Variants in APPBP2 observed in about 807,000 individuals in gnomAD.
APPBP2 encodes amyloid beta precursor protein binding protein 2.
Under a neutral mutation model 76.0 loss-of-function variants are expected in APPBP2, and 15 were observed. That is an observed-to-expected ratio of 0.20 (90% confidence interval 0.13 to 0.30). The LOEUF (loss-of-function observed/expected upper bound fraction) is 0.30. Ranked by LOEUF, APPBP2 falls within the 10% of genes least tolerant of loss-of-function variation. APPBP2 has a pLI of 1.00. For missense variants in APPBP2, 401 were observed against 687.2 expected, an observed-to-expected ratio of 0.58 and a Z score of 4.66; for synonymous variants, 222 against 242.2, an observed-to-expected ratio of 0.92 and a Z score of 0.77.
At chr17:60,458,769 G>A (rs1328651937) in intron 9 of APPBP2, among the ~76,000 whole-genome samples, 1 of 147,898 alleles carries the variant, frequency 6.8e-6, no homozygotes, top group East Asian at 1.9e-4. Context: ...AAGAAGTTCT[G>A]GTTTTTTTTT....
At chr17:60,458,071 G>T (rs900572428) in intron 9 of APPBP2, among the ~76,000 whole-genome samples, 6 of 152,090 alleles carry the variant, frequency 3.9e-5, no homozygotes, top group African/African-American at 1.4e-4. Context: ...TTTGTGACTG[G>T]CTTCTTTCAC....
At chr17:60,511,383 G>A (rs529853140) in intron 1 of APPBP2, among the ~76,000 whole-genome samples, 4 of 152,114 alleles carry the variant, frequency 2.6e-5, no homozygotes, top group South Asian at 2.1e-4. Flanking sequence ...TCAGGAGATC[G>A]AGACCATCCT....
intron 1 of APPBP2, 50 bp downstream of exon 1, chr17:60,525,744 G>A (rs1389566928): frequency 6.2e-7 from 1 of 1,609,610 alleles, no homozygotes. Flanking sequence ...AAGGGGGTGC[G>A]GCCCCCGGGG....
At chr17:60,518,968 C>T (rs1419080059) in intron 1 of APPBP2, among the ~76,000 whole-genome samples, 1 of 151,936 alleles carries the variant, frequency 6.6e-6, no homozygotes, top group Admixed American at 6.6e-5. Flanking sequence ...TACCTTTTTC[C>T]CCCCCTTTGA....
chr17:60,445,784 C>T lies in APPBP2; in HGVS notation c.*1797G>A, dbSNP rs1449519691. The T allele has an allele frequency of 6.6e-6, 1 of 152,086 alleles. No homozygotes were observed. Among genetic ancestry groups the T allele is most frequent in the Non-Finnish European group, 1.5e-5 (1 of 68,026 alleles). The allele number at this position is 152,086 out of a possible 1,614,324, so 9.4% of individuals were successfully genotyped here. ...TCCAAAATTTAAAAAGAAAATAATT[C>T]GATTTGAGGAGTAAACTCAGGTTTC... On this transcript the variant is annotated 3_prime_UTR_variant, in exon 13 of 13. Coordinates refer to ENST00000083182, the MANE Select transcript of APPBP2 (RefSeq NM_006380.5).
rs560015384 is a variant in APPBP2 at position 60,469,938 on chromosome 17, T to C, written c.504-3479A>G. Among the ~76,000 whole-genome samples the C allele has an allele frequency of 1.9e-3, 297 of 152,326 alleles. 1 individual carries two copies. Among genetic ancestry groups the C allele is most frequent in the Non-Finnish European group, 3.5e-3 (238 of 68,036 alleles). ...TACAGTAATTCTATGTTTAGCTTTT[T>C]GACAAACTGCCAAACTGTACTCCAC... On this transcript the variant is annotated intron_variant, in intron 4 of 12. Coordinates refer to ENST00000083182, the MANE Select transcript of APPBP2 (RefSeq NM_006380.5).
chr17:60,495,336 G>A (rs58281396), intron 2 of APPBP2, among the ~76,000 whole-genome samples: 28 of 151,710 alleles, frequency 1.8e-4, no homozygotes, highest in African/African-American at 6.0e-4. Flanking sequence ...CAATAAACAC[G>A]AAATAAGAGG....
intron 3 of APPBP2, among the ~76,000 whole-genome samples, chr17:60,493,027 A>G (rs1054590488): frequency 6.6e-6 from 1 of 152,148 alleles, no homozygotes; most frequent in African/African-American, 2.4e-5. Context: ...GTTCCCCAAC[A>G]CTGTTTTCAT....
chr17:60,501,588 G>A (rs574318263), intron 1 of APPBP2, among the ~76,000 whole-genome samples: 3 of 152,036 alleles, frequency 2.0e-5, no homozygotes, highest in Admixed American at 6.6e-5. Flanking sequence ...AGTAGAGACG[G>A]GGTTTCACCA....
At chr17:60,482,816 T>G (rs2090640902) in intron 3 of APPBP2, among the ~76,000 whole-genome samples, 1 of 152,236 alleles carries the variant, frequency 6.6e-6, no homozygotes, top group Non-Finnish European at 1.5e-5. Flanking sequence ...CCACATTTTC[T>G]TAATCCAGTC....
chr17:60,465,830 T>G (rs2090506977), intron 5 of APPBP2, among the ~76,000 whole-genome samples: 2 of 152,164 alleles, frequency 1.3e-5, no homozygotes, highest in African/African-American at 4.8e-5. Flanking sequence ...CAAACACTCC[T>G]TTTGCCTGAT....
In APPBP2 at chr17:60,500,485, A is replaced by C. The variant is rs930564556; in HGVS notation, c.141T>G (p.Leu47=). Reference sequence around the variant, plus strand: ...GTTGACATAAGCGTCCCTGTTGGTAAAGCTGAAATAAAAAACAAATGATTT... The same window carrying C: ...GTTGACATAAGCGTCCCTGTTGGTACAGCTGAAATAAAAAACAAATGATTT... ...ENIQFDVYYK[L]YQQGRLCQLG... The change falls in exon 2 of 13, where the codon CTT becomes CTG. Residue 47 remains leucine (L), a splice_region_variant and synonymous_variant. Transcript: ENST00000083182. 6.3e-7 allele frequency: 1 copy of C among 1,590,148 alleles called. No individual in the cohort carries two copies.
At chr17:60,521,699 G>A (rs903353353) in intron 1 of APPBP2, among the ~76,000 whole-genome samples, 2 of 152,132 alleles carry the variant, frequency 1.3e-5, no homozygotes, top group African/African-American at 4.8e-5. Flanking sequence ...TTACAGGCAT[G>A]AGCCACTGCA....
rs1170935393 is a variant in APPBP2, at chr17:60,505,676, GTTTTTTTTTTT to G, written c.139-5200_139-5190del. Among the ~76,000 whole-genome samples the G allele has an allele frequency of 1.3e-3, 115 of 85,712 alleles. 1 individual carries two copies. Among genetic ancestry groups the G allele is most frequent in the African/African-American group, 7.8e-3 (101 of 13,000 alleles). 56.2% of individuals were successfully genotyped at this position (85,712 alleles called of 152,430 possible). On this transcript the variant is annotated intron_variant, in intron 1 of 12. Transcript: ENST00000083182. ...TCCTAAAAGCCACCTGACCCCTGCG[GTTTTTTTTTTT>G]TTTTTTTTTTTTTTTTGAGATGGAG... is the stretch of plus-strand genomic sequence containing the variant.
At chr17:60,513,514 T>C in intron 1 of APPBP2, 2 of 535,708 alleles carry the variant, frequency 3.7e-6, no homozygotes, top group South Asian at 4.2e-5. Context: ...CTGAAGCTTC[T>C]CACGGAGAAA....
At chr17:60,470,789 C>T (rs1353551633) in intron 4 of APPBP2, among the ~76,000 whole-genome samples, 3 of 136,624 alleles carry the variant, frequency 2.2e-5, no homozygotes, top group Non-Finnish European at 4.6e-5. Context: ...GTTGGCCAGA[C>T]TGGATTTTTT....
chr17:60,513,997 TAAAAAAA>T (rs35785295), intron 1 of APPBP2, among the ~76,000 whole-genome samples: 1 of 108,578 alleles, frequency 9.2e-6, no homozygotes, highest in Admixed American at 1.0e-4. Context: ...TTCCCCACAT[TAAAAAAA>T]AAAAAAAAAA....
intron 1 of APPBP2, among the ~76,000 whole-genome samples, chr17:60,513,721 G>T (rs909099137): frequency 6.6e-6 from 1 of 151,790 alleles, no homozygotes; most frequent in Non-Finnish European, 1.5e-5. Flanking sequence ...AAATTAGCCG[G>T]GCGTGGTGGC....
chr17:60,508,955 A>T (rs1598372739), intron 1 of APPBP2, among the ~76,000 whole-genome samples: 1 of 152,250 alleles, frequency 6.6e-6, no homozygotes, highest in African/African-American at 2.4e-5. Flanking sequence ...TTTCTTAACA[A>T]GTAAATTGCA....
Sources: allele counts gnomAD v4.1 joint callset (sites outside exome capture counted in the v4.1 genomes callset), GRCh38; gene constraint gnomAD v4.1.1; transcripts MANE v1.5; gene names NCBI Gene and HGNC (gene_info 2026-07-23, HGNC 2026-07-21).